AREG: variants seen among roughly 807,000 people sequenced by gnomAD.
The protein encoded by AREG is amphiregulin B.
A neutral mutation model predicts 28.0 loss-of-function variants in AREG; 16 were observed. That is an observed-to-expected ratio of 0.57 (90% CI 0.39 to 0.87). The LOEUF is 0.87. AREG is among the 40% of genes least tolerant of loss of function. The pLI is 0.00. For synonymous variants in AREG, 113 were observed against 113.5 expected (o/e 1.00, Z 0.02); for missense variants, 287 against 309.1 (o/e 0.93, Z 0.53).
rs1443072394 is a variant in AREG at position 74,450,552 on chromosome 4, C to T, written c.665+20C>T. The T allele has an allele frequency of 6.2e-6, 10 of 1,611,792 alleles. No homozygotes were observed. Among genetic ancestry groups the T allele is most frequent in the Non-Finnish European group, 7.6e-6 (9 of 1,179,440 alleles). The stretch of plus-strand genomic sequence containing the variant: ...AGTCCAGTAAGTATGACATAACTTA[C>T]AAATTCTTAATAAAATAATGGGAGG... On this transcript the variant is annotated intron_variant, in intron 4 of 5. Transcript: ENST00000395748.
intron 2 of AREG, 106 bp downstream of exon 2, chr4:74,446,888 G>T: frequency 1.3e-6 from 2 of 1,582,258 alleles, no homozygotes; most frequent in Non-Finnish European, 8.5e-7. Context: ...TGGCTTTATT[G>T]TATATCTGTT....
At chr4:74,448,056 C>T (rs1719320098) in intron 2 of AREG, among the ~76,000 whole-genome samples, 1 of 152,164 alleles carries the variant, frequency 6.6e-6, no homozygotes, top group Non-Finnish European at 1.5e-5. Flanking sequence ...GGCTGAACAC[C>T]TTCGAAAGGC....
intron 2 of AREG, 170 bp from the exon 3 acceptor site, chr4:74,448,869 ACTGAAAAT>A: frequency 1.1e-6 from 1 of 911,562 alleles, no homozygotes; most frequent in Non-Finnish European, 1.6e-6. Flanking sequence ...GGTAGAAAAA[ACTGAAAAT>A]TATAAATTAG....
chr4:74,450,251 TTAAAATACGAGTATA>T (rs1719360243), intron 3 of AREG, 114 bp from the exon 4 acceptor site: 2 of 1,448,930 alleles, frequency 1.4e-6, no homozygotes, highest in Admixed American at 3.5e-5. Flanking sequence ...GTCTCATTAT[TTAAAATACGAGTATA>T]TGGCATAACT....
chr4:74,452,452 A>G lies in AREG; in HGVS notation c.666-92A>G, dbSNP rs1578845603. ...AGTGATTGCTGGTCTATCACTACTC[A>G]TGAAGTGGAACCCCCTCTACTCATA... On this transcript the variant is annotated intron_variant, in intron 4 of 5. Coordinates refer to ENST00000395748, the MANE Select transcript of AREG (RefSeq NM_001657.4). 7.5e-6 allele frequency: 11 copies of G among 1,460,898 alleles called. No individual in the cohort carries two copies. In the East Asian group the frequency reaches 2.1e-4, roughly 28 times the overall value. 90.5% of individuals were successfully genotyped at this position (1,460,898 alleles called of 1,614,324 possible).
At chr4:74,445,504 TC>T in intron 1 of AREG, 98 bp downstream of exon 1, 1 of 1,542,506 alleles carries the variant, frequency 6.5e-7, no homozygotes, top group Non-Finnish European at 8.8e-7. Context: ...GCCCTTTAGT[TC>T]CCCCGACCCT....
intron 5 of AREG, among the ~76,000 whole-genome samples, chr4:74,453,642 C>G (rs1041315081): frequency 6.6e-6 from 1 of 152,190 alleles, no homozygotes; most frequent in African/African-American, 2.4e-5. Context: ...CACAGTGGCT[C>G]AGGCCTGTAA....
intron 3 of AREG, among the ~76,000 whole-genome samples, chr4:74,450,161 G>A (rs929761454): frequency 2.2e-4 from 33 of 152,062 alleles, no homozygotes; most frequent in South Asian, 8.3e-4. Context: ...ATGACAAGGC[G>A]TGTCTTCTTG....
At chr4:74,451,493 T>G (rs1174017730) in intron 4 of AREG, among the ~76,000 whole-genome samples, 1 of 152,226 alleles carries the variant, frequency 6.6e-6, no homozygotes, top group African/African-American at 2.4e-5. Flanking sequence ...CTTCTGCCAT[T>G]GTTGACAATT....
chr4:74,449,334 A>G lies in AREG; in HGVS notation c.512+86A>G, dbSNP rs1719343735. 9 of 1,595,526 alleles carry G rather than the reference A, an allele frequency of 5.6e-6. No homozygotes were observed. In the East Asian group the frequency reaches 1.1e-4, roughly 20 times the overall value. ...CTGCAGGAAACCATTTATTTTTCCA[A>G]TGTATAAACCAAGGGTCAGTAAACT... On this transcript the variant is annotated intron_variant, in intron 3 of 5. Transcript: ENST00000395748.
chr4:74,446,532 A>AGGCCATT lies in AREG; in HGVS notation c.62-1_67dup. On this transcript the variant is annotated splice_acceptor_variant, in intron 1 of 5. Transcript: ENST00000395748. LOFTEE classifies it high-confidence loss of function. ...TTTCTTCCTTTATTCCCTCCCCTGC[A>AGGCCATT]GGCCATTATGCTGCTGGATTGGACC... 1 of 1,613,948 alleles carries AGGCCATT rather than the reference A, an allele frequency of 6.2e-7. No individual in the cohort carries two copies. The highest frequency in any genetic ancestry group is 2.2e-5 in the East Asian group (1 of 44,878).
intron 5 of AREG, among the ~76,000 whole-genome samples, chr4:74,454,035 T>A (rs1216772087): frequency 2.0e-5 from 3 of 152,226 alleles, no homozygotes; most frequent in African/African-American, 7.2e-5. Flanking sequence ...TCCAGATGGT[T>A]CTGATACTTG....
chr4:74,452,812 T>A (rs1241152248), intron 5 of AREG, among the ~76,000 whole-genome samples, 157 bp downstream of exon 5: 1 of 152,202 alleles, frequency 6.6e-6, no homozygotes, highest in East Asian at 1.9e-4. Flanking sequence ...TAAGATGGAA[T>A]TCAATGTTGA....
rs1050630548 is a variant in AREG, at chr4:74,447,702, C to G, written c.310+920C>G. ...GCCTTTTCTGTCCTGACTTGAGTTT[C>G]CCTGGCTTCTCCCCCTCTTGTCTGG... On this transcript the variant is annotated intron_variant, in intron 2 of 5. Coordinates refer to ENST00000395748, the MANE Select transcript of AREG (RefSeq NM_001657.4). Among the ~76,000 whole-genome samples, 8 of 152,232 alleles carry G rather than the reference C, an allele frequency of 5.3e-5. No homozygotes were observed. In the South Asian group the frequency reaches 1.7e-3, roughly 32 times the overall value.
chr4:74,450,979 G>A (rs1295957725), intron 4 of AREG, among the ~76,000 whole-genome samples: 1 of 152,174 alleles, frequency 6.6e-6, no homozygotes, highest in Non-Finnish European at 1.5e-5. Flanking sequence ...CAGCAGTAAA[G>A]AATAGATATG....
chr4:74,446,452 TAA>T lies in AREG; in HGVS notation c.62-80_62-79del, dbSNP rs1719287930. On this transcript the variant is annotated intron_variant, in intron 1 of 5. Coordinates refer to ENST00000395748, the MANE Select transcript of AREG (RefSeq NM_001657.4). ...CAATAACTGCTTTGATGTCAAAAGA[TAA>T]ACTTTTCTACCTAACACAGCTGACT... 4 of 1,610,816 alleles carry T rather than the reference TAA, an allele frequency of 2.5e-6. No homozygotes were observed. The Admixed American group carries it at 6.7e-5, about 27-fold the overall frequency.
At chr4:74,446,438 T>G in intron 1 of AREG, 96 bp from the exon 2 acceptor site, 1 of 1,603,952 alleles carries the variant, frequency 6.2e-7, no homozygotes. Flanking sequence ...AATAACTGCT[T>G]TGATGTCAAA....
intron 1 of AREG, among the ~76,000 whole-genome samples, 158 bp downstream of exon 1, chr4:74,445,564 A>C (rs1719268582): frequency 6.6e-6 from 1 of 152,158 alleles, no homozygotes; most frequent in Non-Finnish European, 1.5e-5. Context: ...AGGAAAAGAG[A>C]AGGGCAGATG....
At chr4:74,445,583 G>C (rs1385466907) in intron 1 of AREG, among the ~76,000 whole-genome samples, 177 bp downstream of exon 1, 1 of 152,184 alleles carries the variant, frequency 6.6e-6, no homozygotes, top group African/African-American at 2.4e-5. Flanking sequence ...TGTCTCAAAC[G>C]TCCAGGACAA....
Sources: allele counts gnomAD v4.1 joint callset (sites outside exome capture counted in the v4.1 genomes callset), GRCh38; gene constraint gnomAD v4.1.1; transcripts MANE v1.5; gene names NCBI Gene and HGNC (gene_info 2026-07-23, HGNC 2026-07-21).